SCHIP1: variants seen among roughly 807,000 people sequenced by gnomAD.
The protein encoded by SCHIP1 is schwannomin-interacting protein 1.
Under a neutral mutation model 29.7 loss-of-function variants are expected in SCHIP1, and 8 were observed. The ratio of observed to expected loss-of-function variants is 0.27; its 90% CI spans 0.16 to 0.49. The LOEUF (loss-of-function observed/expected upper bound fraction) is 0.49. Among genes scored for constraint, SCHIP1 ranks in the 20% least tolerant of loss-of-function variants. The pLI is 0.99. For synonymous variants in SCHIP1, 76 were observed against 94.9 expected (o/e 0.80, Z 1.16); for missense variants, 193 against 294.6 (o/e 0.66, Z 2.52).
the SCHIP1 span, among the ~76,000 whole-genome samples, chr3:159,665,409 T>C: frequency 6.6e-6 from 1 of 152,190 alleles, no homozygotes; most frequent in African/African-American, 2.4e-5. Context: ...GAACTTGGTC[T>C]CTTCTCTCCC....
chr3:159,424,939 C>T, the SCHIP1 span, among the ~76,000 whole-genome samples: 1 of 152,108 alleles, frequency 6.6e-6, no homozygotes, highest in Admixed American at 6.5e-5. Context: ...TCCAGCCAAA[C>T]TAAGCTTCAT....
At chr3:159,575,416 C>A in the SCHIP1 span, among the ~76,000 whole-genome samples, 1 of 151,944 alleles carries the variant, frequency 6.6e-6, no homozygotes, top group Admixed American at 6.6e-5. Flanking sequence ...TACTTGCTTA[C>A]TTGGAAATTG....
the SCHIP1 span, among the ~76,000 whole-genome samples, chr3:159,477,995 T>A: frequency 5.4e-5 from 8 of 146,824 alleles, no homozygotes; most frequent in East Asian, 1.7e-3. Flanking sequence ...TGATCTTGGC[T>A]CACTGCAACC....
the SCHIP1 span, among the ~76,000 whole-genome samples, chr3:159,648,518 A>G: frequency 1.3e-5 from 2 of 152,182 alleles, no homozygotes; most frequent in Non-Finnish European, 2.9e-5. Flanking sequence ...ACACATAACA[A>G]CTGTTCAACC....
At chr3:159,716,203 C>G in the SCHIP1 span, among the ~76,000 whole-genome samples, 1 of 152,144 alleles carries the variant, frequency 6.6e-6, no homozygotes, top group Non-Finnish European at 1.5e-5. Context: ...CAAATGCTGA[C>G]AGATTTTGAC....
chr3:159,273,483 T>C, the SCHIP1 span: 5 of 1,087,730 alleles, frequency 4.6e-6, no homozygotes, highest in Non-Finnish European at 5.6e-6. Flanking sequence ...GATCAAGAAC[T>C]TTTCTGGAAT....
chr3:159,487,040 G>A, the SCHIP1 span, among the ~76,000 whole-genome samples: 1 of 152,168 alleles, frequency 6.6e-6, no homozygotes, highest in African/African-American at 2.4e-5. Flanking sequence ...TGGTGACAAT[G>A]AGCTGGTGGC....
the SCHIP1 span, among the ~76,000 whole-genome samples, chr3:159,701,045 G>A: frequency 6.6e-6 from 1 of 152,036 alleles, no homozygotes; most frequent in Non-Finnish European, 1.5e-5. Flanking sequence ...TATCTGATAG[G>A]GATGTTATGC....
the SCHIP1 span, among the ~76,000 whole-genome samples, chr3:159,520,686 G>A: frequency 6.6e-6 from 1 of 152,176 alleles, no homozygotes; most frequent in African/African-American, 2.4e-5. Context: ...CCCGCATCAA[G>A]TGCCACTGAC....
the SCHIP1 span, among the ~76,000 whole-genome samples, chr3:159,766,438 A>C: frequency 1.3e-5 from 2 of 152,234 alleles, no homozygotes; most frequent in African/African-American, 4.8e-5. Flanking sequence ...ATGGCCATTA[A>C]CAGACGTGGA....
At chr3:159,802,582 C>A in the SCHIP1 span, among the ~76,000 whole-genome samples, 1 of 152,212 alleles carries the variant, frequency 6.6e-6, no homozygotes, top group East Asian at 1.9e-4. Context: ...TGAGAGGTGA[C>A]CTTTCTGATG....
At chr3:159,558,308 C>T in the SCHIP1 span, among the ~76,000 whole-genome samples, 2 of 152,150 alleles carry the variant, frequency 1.3e-5, no homozygotes, top group African/African-American at 4.8e-5. Flanking sequence ...CTTTTTCATG[C>T]TTATTACCTA....
the SCHIP1 span, among the ~76,000 whole-genome samples, chr3:159,453,752 C>T: frequency 6.6e-6 from 1 of 152,158 alleles, no homozygotes; most frequent in Non-Finnish European, 1.5e-5. Flanking sequence ...GAGTGCCTGA[C>T]CCTTTCCTTT....
chr3:159,612,798 T>C, the SCHIP1 span, among the ~76,000 whole-genome samples: 1 of 152,230 alleles, frequency 6.6e-6, no homozygotes, highest in Non-Finnish European at 1.5e-5. Context: ...AGTCTAAAAA[T>C]TATTTCCTTA....
At chr3:159,313,821 G>A in the SCHIP1 span, among the ~76,000 whole-genome samples, 2 of 151,828 alleles carry the variant, frequency 1.3e-5, no homozygotes, top group Non-Finnish European at 2.9e-5. Context: ...CCTCATTATT[G>A]CCTTGTTTTC....
At chr3:159,484,654 A>G in the SCHIP1 span, among the ~76,000 whole-genome samples, 1 of 152,198 alleles carries the variant, frequency 6.6e-6, no homozygotes, top group Non-Finnish European at 1.5e-5. Flanking sequence ...CTATTTAAAT[A>G]TCAATCATGT....
chr3:159,497,675 G>A, the SCHIP1 span, among the ~76,000 whole-genome samples: 1 of 151,664 alleles, frequency 6.6e-6, no homozygotes, highest in South Asian at 2.1e-4. Flanking sequence ...TGAGAGGGAG[G>A]GAAGAGCGAA....
At chr3:159,338,924 A>T in the SCHIP1 span, among the ~76,000 whole-genome samples, 1 of 152,174 alleles carries the variant, frequency 6.6e-6, no homozygotes, top group African/African-American at 2.4e-5. Context: ...TTGAATTCAC[A>T]TACACTGGAA....
chr3:159,760,259 G>A, the SCHIP1 span, among the ~76,000 whole-genome samples: 1 of 152,310 alleles, frequency 6.6e-6, no homozygotes, highest in Middle Eastern at 3.4e-3. Flanking sequence ...CTTGCCAGAT[G>A]CCTTCTTCAC....
Sources: allele counts gnomAD v4.1 joint callset (sites outside exome capture counted in the v4.1 genomes callset), GRCh38; gene constraint gnomAD v4.1.1; transcripts MANE v1.5; gene names NCBI Gene and HGNC (gene_info 2026-07-23, HGNC 2026-07-21).